The following BAHCC1 variants were observed in gnomAD, a reference collection of about 807,000 sequenced individuals.
The protein encoded by BAHCC1 is BAH and coiled-coil domain-containing protein 1.
In BAHCC1, 43 loss-of-function variants were observed where a neutral mutation model predicts 88.2. The ratio of observed to expected loss-of-function variants is 0.49; its 90% confidence interval spans 0.38 to 0.63. The LOEUF (loss-of-function observed/expected upper bound fraction) is 0.63. Ranked by LOEUF, BAHCC1 falls within the 20% of genes least tolerant of loss-of-function variation. BAHCC1 has a pLI of 0.00. For missense variants in BAHCC1, 3,023 were observed against 1,654.8 expected (o/e 1.83, Z -14.34); for synonymous variants, 1,510 against 745.5 (o/e 2.03, Z -16.71).
At chr17:81,416,810 C>T (rs1031623529) in intron 2 of BAHCC1, among the ~76,000 whole-genome samples, 75 of 152,342 alleles carry the variant, frequency 4.9e-4, no homozygotes, top group African/African-American at 1.7e-3. Flanking sequence ...GTTAGGAGCA[C>T]GCTCGCAGCC....
chr17:81,451,109 C>T (rs1357112430), intron 11 of BAHCC1: 1 of 154,798 alleles, frequency 6.5e-6, no homozygotes, highest in Non-Finnish European at 1.5e-5. Context: ...GCTGAAGCCC[C>T]TGGTTCCAAA....
At chr17:81,410,012 C>T (rs1279204005) in intron 2 of BAHCC1, 3 of 266,180 alleles carry the variant, frequency 1.1e-5, no homozygotes, top group Middle Eastern at 4.3e-4. Context: ...AGGTGGGGAT[C>T]GGTGGCCCCT....
At chr17:81,424,765 A>T (rs1272072681) in intron 2 of BAHCC1, among the ~76,000 whole-genome samples, 1 of 146,884 alleles carries the variant, frequency 6.8e-6, no homozygotes, top group Non-Finnish European at 1.5e-5. Flanking sequence ...GGTGGTGTTG[A>T]TGTGGTTGGT....
At chr17:81,454,794 GCAGCC>G (rs1555656829) in intron 14 of BAHCC1, among the ~76,000 whole-genome samples, 2 of 152,108 alleles carry the variant, frequency 1.3e-5, no homozygotes, top group Non-Finnish European at 2.9e-5. Context: ...GGCTGGGGCT[GCAGCC>G]CCACTCAGGC....
At chr17:81,419,890 C>T (rs1433502386) in intron 2 of BAHCC1, among the ~76,000 whole-genome samples, 2 of 151,742 alleles carry the variant, frequency 1.3e-5, no homozygotes, top group African/African-American at 2.4e-5. Flanking sequence ...CTCGCTCTGC[C>T]GGCTCCGCGC....
intron 2 of BAHCC1, among the ~76,000 whole-genome samples, chr17:81,426,173 G>A (rs2064195127): frequency 1.4e-5 from 2 of 142,452 alleles, no homozygotes; most frequent in Non-Finnish European, 1.6e-5. Flanking sequence ...GGGTGATAGT[G>A]GTGGGTAATG....
At chr17:81,460,243 G>A (rs560575785) in intron 23 of BAHCC1, 34 bp from the exon 24 acceptor site, 3 of 735,494 alleles carry the variant, frequency 4.1e-6, no homozygotes, top group South Asian at 2.9e-5. Context: ...CCTACTGGGG[G>A]TTCCAGCTGC....
At chr17:81,426,135 T>TTGGG (rs2064194425) in intron 2 of BAHCC1, among the ~76,000 whole-genome samples, 1 of 76,698 alleles carries the variant, frequency 1.3e-5, no homozygotes, top group African/African-American at 4.8e-5. Context: ...TAGTGGTTGG[T>TTGGG]GGTGATAGTG....
In BAHCC1 at chr17:81,411,006, C is replaced by T; in HGVS notation, c.178+11089C>T. 2.0e-6 allele frequency: 1 copy of T among 507,116 alleles called. No individual in the cohort carries two copies. Among genetic ancestry groups the T allele is most frequent in the South Asian group, 1.4e-5 (1 of 70,284 alleles). 31.4% of individuals were successfully genotyped at this position (507,116 alleles called of 1,614,324 possible). Reference sequence around the variant, plus strand: ...GAGGGCTTCGGAGCCGCACCTGGGTCTTTGTTGTCCATATGTCTGTGTGAA... The same window carrying T: ...GAGGGCTTCGGAGCCGCACCTGGGTTTTTGTTGTCCATATGTCTGTGTGAA... On this transcript the variant is annotated intron_variant, in intron 2 of 27. Coordinates refer to ENST00000675386, the MANE Select transcript of BAHCC1 (RefSeq NM_001377448.1). The surrounding 1 kb of genome is among the most constrained non-coding windows in gnomAD (Gnocchi z 6.2).
intron 2 of BAHCC1, among the ~76,000 whole-genome samples, chr17:81,406,218 C>T (rs1445126402): frequency 2.6e-5 from 4 of 152,210 alleles, no homozygotes; most frequent in African/African-American, 4.8e-5. Context: ...GGGGAGGGTC[C>T]GAAACCCTTG....
chr17:81,425,114 G>C (rs1390854267), intron 2 of BAHCC1, among the ~76,000 whole-genome samples: 3 of 146,796 alleles, frequency 2.0e-5, no homozygotes, highest in African/African-American at 7.6e-5. Flanking sequence ...GGGTGATGTG[G>C]TTGGGGGTGA....
chr17:81,452,408 G>T (rs576100603), intron 13 of BAHCC1, among the ~76,000 whole-genome samples: 37 of 152,136 alleles, frequency 2.4e-4, no homozygotes, highest in Middle Eastern at 6.8e-3. Context: ...GTGGCAGAAG[G>T]GGGAGTAGGG....
At chr17:81,398,819 C>G (rs2063772881) in intron 1 of BAHCC1, among the ~76,000 whole-genome samples, 1 of 151,454 alleles carries the variant, frequency 6.6e-6, no homozygotes, top group Admixed American at 6.6e-5. Flanking sequence ...TAGCGCGATG[C>G]TGGGGACAGG....
intron 1 of BAHCC1, among the ~76,000 whole-genome samples, chr17:81,398,625 C>G (rs1056780317): frequency 6.6e-6 from 1 of 152,250 alleles, no homozygotes; most frequent in Non-Finnish European, 1.5e-5. Flanking sequence ...ACACACACCC[C>G]CAAGCCCCCA....
At chr17:81,413,539 C>T (rs1354057858) in intron 2 of BAHCC1, among the ~76,000 whole-genome samples, 1 of 152,236 alleles carries the variant, frequency 6.6e-6, no homozygotes, top group Admixed American at 6.5e-5. Flanking sequence ...CCACCCCAGC[C>T]AGGGCAGTGC....
In BAHCC1 at chr17:81,461,834, T is replaced by C. The variant is rs1555659575; in HGVS notation, c.7171T>C (p.Phe2391Leu). Residue 2391 changes from phenylalanine (F) to leucine (L), a missense_variant, in exon 26 of 28, where the codon TTC becomes CTC. Coordinates refer to ENST00000675386, the MANE Select transcript of BAHCC1 (RefSeq NM_001377448.1). ...SGPHAHAQRC[F>L]LSRATVAGTG... ...CCCTCACGCGCATGCCCAGCGCTGCTTCCTGTCCAGGGCCACGGTGGCTGG... is the reference window on the plus strand; with the variant it reads ...CCCTCACGCGCATGCCCAGCGCTGCCTCCTGTCCAGGGCCACGGTGGCTGG... The C allele has an allele frequency of 1.4e-6, 1 of 719,380 alleles. No individual in the cohort carries two copies. The highest frequency in any genetic ancestry group is 1.5e-5 in the South Asian group (1 of 67,754). 44.6% of individuals were successfully genotyped at this position (719,380 alleles called of 1,614,324 possible). A position where few individuals can be genotyped will look rare whatever the true frequency, so the allele number is the denominator to read the frequency against.
At chr17:81,430,434 C>T (rs2064247666) in intron 3 of BAHCC1, among the ~76,000 whole-genome samples, 1 of 152,154 alleles carries the variant, frequency 6.6e-6, no homozygotes, top group Admixed American at 6.5e-5. Flanking sequence ...GTCAGAACCA[C>T]GCCCCACCAG....
At chr17:81,420,377 C>T (rs1337818119) in intron 2 of BAHCC1, among the ~76,000 whole-genome samples, 1 of 152,194 alleles carries the variant, frequency 6.6e-6, no homozygotes, top group Non-Finnish European at 1.5e-5. Context: ...CACTGGGCAC[C>T]GAGACTCCAG....
chr17:81,444,391 G>T lies in BAHCC1; in HGVS notation c.2335G>T (p.Asp779Tyr). 1.3e-6 allele frequency: 1 copy of T among 741,110 alleles called. No homozygotes were observed. 45.9% of individuals were successfully genotyped at this position (741,110 alleles called of 1,614,324 possible). A position where few individuals can be genotyped will look rare whatever the true frequency, so the allele number is the denominator to read the frequency against. Reference protein sequence around the residue: ...SRELLLQDSKDRVEFARIHPP... With the variant: ...SRELLLQDSKYRVEFARIHPP... ...CCCCAGGTCTTACAGGGACAGCAAA[G>T]ACCGCGTAGAGTTCGCCCGGATCCA... is the stretch of plus-strand genomic sequence containing the variant. The change falls in exon 7 of 28, where the codon GAC (aspartate) becomes TAC (tyrosine). Residue 779 changes from aspartate to tyrosine, a missense_variant. Asp to Tyr is a radical substitution (Grantham distance 160). Transcript: ENST00000675386.
Sources: gnomAD v4.1 joint callset for allele counts (sites outside exome capture counted in the v4.1 genomes callset) on GRCh38, gnomAD v4.1.1 for gene constraint, Gnocchi (gnomAD v3.1) non-coding constraint, MANE v1.5 for transcripts, NCBI Gene and HGNC (gene_info 2026-07-23, HGNC 2026-07-21) for gene names.